SPMIP2: variants seen among roughly 807,000 people sequenced by gnomAD.
SPMIP2 encodes sperm microtubule inner protein 2, also known as protein SPMIP2.
chr4:159,075,599 T>C, the SPMIP2 span, among the ~76,000 whole-genome samples: 1 of 152,168 alleles, frequency 6.6e-6, no homozygotes, highest in African/African-American at 2.4e-5. Context: ...GTGATAATCT[T>C]GGTCACTTTA....
chr4:159,053,363 CT>C, the SPMIP2 span, among the ~76,000 whole-genome samples: 55 of 152,258 alleles, frequency 3.6e-4, no homozygotes, highest in East Asian at 8.1e-3. Flanking sequence ...GATGCTCCCC[CT>C]TTTAAAATAC....
At chr4:158,940,264 G>A in the SPMIP2 span, among the ~76,000 whole-genome samples, 3 of 152,044 alleles carry the variant, frequency 2.0e-5, no homozygotes, top group African/African-American at 4.8e-5. Flanking sequence ...AGGGATTAGG[G>A]CCCACCACAA....
At chr4:159,067,534 C>A in the SPMIP2 span, among the ~76,000 whole-genome samples, 1 of 152,106 alleles carries the variant, frequency 6.6e-6, no homozygotes, top group African/African-American at 2.4e-5. Context: ...CCCAGCCAAT[C>A]AAATGAACTT....
At chr4:159,000,854 T>TA in the SPMIP2 span, among the ~76,000 whole-genome samples, 1 of 152,198 alleles carries the variant, frequency 6.6e-6, no homozygotes, top group Non-Finnish European at 1.5e-5. Flanking sequence ...AGCAATAGTT[T>TA]ATTCCTTTTT....
chr4:158,973,626 C>T, the SPMIP2 span, among the ~76,000 whole-genome samples: 5 of 152,146 alleles, frequency 3.3e-5, no homozygotes, highest in South Asian at 8.3e-4. Flanking sequence ...GCTCTTTGTA[C>T]CCAGACAGGC....
chr4:159,049,512 A>G, the SPMIP2 span, among the ~76,000 whole-genome samples: 1 of 152,230 alleles, frequency 6.6e-6, no homozygotes, highest in Non-Finnish European at 1.5e-5. Context: ...TGATATACGC[A>G]GACAACGTGT....
the SPMIP2 span, among the ~76,000 whole-genome samples, chr4:158,953,614 G>A: frequency 6.6e-6 from 1 of 152,272 alleles, no homozygotes; most frequent in South Asian, 2.1e-4. Context: ...CCCCAGAATG[G>A]TAAATCCACT....
the SPMIP2 span, among the ~76,000 whole-genome samples, chr4:158,972,298 G>A: frequency 2.0e-5 from 3 of 152,216 alleles, no homozygotes; most frequent in Non-Finnish European, 4.4e-5. Context: ...GGAGGCCGAG[G>A]TTACAGCGAG....
the SPMIP2 span, among the ~76,000 whole-genome samples, chr4:159,043,874 C>T: frequency 2.6e-5 from 4 of 152,220 alleles, no homozygotes; most frequent in South Asian, 8.3e-4. Context: ...TTAATATTTG[C>T]CATTCATTTG....
At chr4:158,951,658 A>G in the SPMIP2 span, among the ~76,000 whole-genome samples, 1 of 152,264 alleles carries the variant, frequency 6.6e-6, no homozygotes, top group Non-Finnish European at 1.5e-5. Flanking sequence ...ACACGCACAC[A>G]CAAATGCATA....
chr4:159,050,027 G>T, the SPMIP2 span, among the ~76,000 whole-genome samples: 1 of 152,144 alleles, frequency 6.6e-6, no homozygotes, highest in Admixed American at 6.5e-5. Context: ...TTAAAAATGT[G>T]CATTGCTAAA....
chr4:158,949,996 T>TGA, the SPMIP2 span, among the ~76,000 whole-genome samples: 7 of 152,380 alleles, frequency 4.6e-5, no homozygotes, highest in African/African-American at 1.7e-4. Context: ...TGGTCATGGC[T>TGA]GACAACCACT....
chr4:158,942,439 T>A, the SPMIP2 span, among the ~76,000 whole-genome samples: 1 of 152,184 alleles, frequency 6.6e-6, no homozygotes, highest in Non-Finnish European at 1.5e-5. Flanking sequence ...CTGTGTTAAG[T>A]ATCCAAACCC....
chr4:158,944,530 A>G, the SPMIP2 span, among the ~76,000 whole-genome samples: 1 of 152,034 alleles, frequency 6.6e-6, no homozygotes, highest in Non-Finnish European at 1.5e-5. Flanking sequence ...TTTCAAATAC[A>G]ACCTAAAAAT....
At chr4:158,970,320 C>T in the SPMIP2 span, among the ~76,000 whole-genome samples, 3 of 152,178 alleles carry the variant, frequency 2.0e-5, no homozygotes, top group South Asian at 4.1e-4. Context: ...GTGGGAGGAT[C>T]ACTTGAGCTC....
chr4:158,959,251 C>T, the SPMIP2 span, among the ~76,000 whole-genome samples: 15 of 152,204 alleles, frequency 9.9e-5, no homozygotes, highest in African/African-American at 3.6e-4. Flanking sequence ...TTTCAGTGGT[C>T]TTTAATGTTT....
the SPMIP2 span, among the ~76,000 whole-genome samples, chr4:158,962,805 T>C: frequency 6.6e-6 from 1 of 152,122 alleles, no homozygotes; most frequent in Non-Finnish European, 1.5e-5. Context: ...AACAAAACAA[T>C]TCTTTCTGAA....
the SPMIP2 span, among the ~76,000 whole-genome samples, chr4:158,967,215 T>A: frequency 6.6e-6 from 1 of 152,156 alleles, no homozygotes; most frequent in Non-Finnish European, 1.5e-5. Flanking sequence ...CTAAGCTTTG[T>A]AAAATGGAGA....
At chr4:159,070,740 C>T in the SPMIP2 span, among the ~76,000 whole-genome samples, 19 of 152,142 alleles carry the variant, frequency 1.2e-4, no homozygotes, top group Non-Finnish European at 2.4e-4. Flanking sequence ...TGGAGACATG[C>T]TTTTTATCAC....
Sources: allele counts gnomAD v4.1 joint callset (sites outside exome capture counted in the v4.1 genomes callset), GRCh38; gene constraint gnomAD v4.1.1; transcripts MANE v1.5; gene names NCBI Gene and HGNC (gene_info 2026-07-23, HGNC 2026-07-21).